The following DPF3 variants were observed in gnomAD, a reference collection of about 807,000 sequenced individuals.
DPF3 encodes the protein zinc finger protein DPF3.
In DPF3, 18 loss-of-function variants were observed where a neutral mutation model predicts 56.8. The ratio of observed to expected loss-of-function variants is 0.32; its 90% CI spans 0.22 to 0.47. The LOEUF is 0.47. DPF3 is among the 20% of genes least tolerant of loss of function. The pLI is 1.00. For missense variants in DPF3, 403 were observed against 488.8 expected (o/e 0.82, Z 1.65); for synonymous variants, 188 against 180.2 (o/e 1.04, Z -0.35).
chr14:72,712,269 C>T (rs1888687125), intron 6 of DPF3, among the ~76,000 whole-genome samples: 1 of 152,136 alleles, frequency 6.6e-6, no homozygotes, highest in Admixed American at 6.5e-5. Flanking sequence ...GAAACAAAGC[C>T]ATGGGGACTC....
chr14:72,727,846 C>T (rs970082189), intron 4 of DPF3, among the ~76,000 whole-genome samples: 8 of 152,164 alleles, frequency 5.3e-5, no homozygotes, highest in African/African-American at 1.7e-4. Context: ...ATAATCCATT[C>T]GCTACATGTG....
At chr14:72,660,324 C>T (rs192067198) in intron 8 of DPF3, among the ~76,000 whole-genome samples, 7 of 152,196 alleles carry the variant, frequency 4.6e-5, no homozygotes, top group African/African-American at 2.4e-5. Flanking sequence ...CAAGGCATAA[C>T]GTGATATTCA....
intron 1 of DPF3, among the ~76,000 whole-genome samples, chr14:72,808,701 G>A (rs1234933822): frequency 6.6e-6 from 1 of 152,216 alleles, no homozygotes; most frequent in African/African-American, 2.4e-5. Flanking sequence ...AAACCAGCTT[G>A]TTGCTTCCCT....
At chr14:72,886,546 A>G (rs1454339506) in intron 1 of DPF3, among the ~76,000 whole-genome samples, 1 of 152,186 alleles carries the variant, frequency 6.6e-6, no homozygotes. Flanking sequence ...ACACTTTAAA[A>G]TGGCTAAAAT....
At chr14:72,880,195 GC>G (rs1278578637) in intron 1 of DPF3, among the ~76,000 whole-genome samples, 2 of 152,306 alleles carry the variant, frequency 1.3e-5, no homozygotes, top group Non-Finnish European at 2.9e-5. Context: ...TGTGTGCCAG[GC>G]TCTGGGCTAG....
chr14:72,874,333 G>A (rs889254623), intron 1 of DPF3, among the ~76,000 whole-genome samples: 4 of 151,766 alleles, frequency 2.6e-5, no homozygotes, highest in African/African-American at 9.7e-5. Context: ...AAAAAAATTA[G>A]CCAGGCATGG....
rs145892248 is a variant in DPF3, at chr14:72,696,037, A to G, written c.605-2824T>C. On this transcript the variant is annotated intron_variant, in intron 6 of 10. Coordinates refer to ENST00000556509, the MANE Select transcript of DPF3 (RefSeq NM_001280542.3). ...TCTGGATCTGCTTGTGGCTTTTTCT[A>G]TTTAGCTTTTTAGATAATCTGAAGT... is the stretch of plus-strand genomic sequence containing the variant. Among the ~76,000 whole-genome samples the G allele has an allele frequency of 8.8e-4, 134 of 152,286 alleles. 1 individual carries two copies. The highest frequency in any genetic ancestry group is 2.6e-3 in the African/African-American group (108 of 41,566).
intron 1 of DPF3, among the ~76,000 whole-genome samples, chr14:72,835,291 C>T (rs576452850): frequency 6.6e-6 from 1 of 152,238 alleles, no homozygotes; most frequent in South Asian, 2.1e-4. Flanking sequence ...TGGTCTCAAA[C>T]CCCTGACCTC....
intron 3 of DPF3, among the ~76,000 whole-genome samples, chr14:72,739,165 C>T (rs1949913074): frequency 1.3e-5 from 2 of 151,798 alleles, no homozygotes; most frequent in Non-Finnish European, 2.9e-5. Flanking sequence ...TCGCTTGAAC[C>T]TGGAAGGGGG....
At position 72,716,923 on chromosome 14, in the gene DPF3, C is replaced by A. The variant is rs541278996; in HGVS notation, c.526-2422G>T. Among the ~76,000 whole-genome samples, 3 of 152,204 alleles carry A rather than the reference C, an allele frequency of 2.0e-5. No individual in the cohort carries two copies. In the East Asian group the frequency reaches 5.8e-4, roughly 29 times the overall value. On this transcript the variant is annotated intron_variant, in intron 5 of 10. Transcript: ENST00000556509. The stretch of plus-strand genomic sequence containing the variant: ...TAAGGGGGATCTACCTCCACATTGC[C>A]CCCCTAGTCCACCCTAACGGGGGAT...
At chr14:72,662,859 T>C (rs1346246489) in intron 8 of DPF3, 11 of 972,506 alleles carry the variant, frequency 1.1e-5, no homozygotes, top group Non-Finnish European at 1.2e-5. Flanking sequence ...CAATGAAAGA[T>C]AAAACAAAAA....
intron 2 of DPF3, among the ~76,000 whole-genome samples, chr14:72,756,656 T>C (rs763449356): frequency 1.4e-4 from 21 of 151,728 alleles, no homozygotes; most frequent in Non-Finnish European, 2.9e-4. Flanking sequence ...CTATCAAAAA[T>C]ACAAAAATTA....
chr14:72,888,832 A>G (rs1886646095), intron 1 of DPF3, among the ~76,000 whole-genome samples: 1 of 152,210 alleles, frequency 6.6e-6, no homozygotes, highest in South Asian at 2.1e-4. Flanking sequence ...AAAAACCACA[A>G]AAGTTACTTT....
intron 6 of DPF3, among the ~76,000 whole-genome samples, chr14:72,708,131 AAGGCAGGTGT>A (rs1888491242): frequency 6.6e-6 from 1 of 152,116 alleles, no homozygotes; most frequent in African/African-American, 2.4e-5. Context: ...CAGCCCAGAG[AAGGCAGGTGT>A]AGGTTAGAAG....
chr14:72,875,981 C>T (rs1345972048), intron 1 of DPF3, among the ~76,000 whole-genome samples: 3 of 152,232 alleles, frequency 2.0e-5, no homozygotes, highest in African/African-American at 7.2e-5. Context: ...TTGGCATTTA[C>T]ATTTTCCTCC....
At chr14:72,853,043 GTGTGTA>G in intron 1 of DPF3, among the ~76,000 whole-genome samples, 1 of 151,498 alleles carries the variant, frequency 6.6e-6, no homozygotes. Context: ...GCGTGTGTGT[GTGTGTA>G]TGTGTGTGTG....
At chr14:72,667,736 C>T (rs1217799758) in intron 8 of DPF3, among the ~76,000 whole-genome samples, 1 of 152,206 alleles carries the variant, frequency 6.6e-6, no homozygotes, top group African/African-American at 2.4e-5. Context: ...TAATTGCTTA[C>T]TCTTCCGTTG....
At chr14:72,647,950 T>C (rs371578079) in intron 8 of DPF3, among the ~76,000 whole-genome samples, 32 of 152,216 alleles carry the variant, frequency 2.1e-4, no homozygotes, top group African/African-American at 6.3e-4. Flanking sequence ...TCTCACGTCG[T>C]CACTGCTCAT....
rs773442696 is a variant in DPF3, at chr14:72,693,107, G to A, written c.711C>T (p.Ser237=). ...GGTTCTCATTTCTGTGGTTGGGTGG[G>A]GACCGAGTCTCCTGGTCTTGAGCTT... ...GDEAQDQETR[S]PPNHRNENHR... Residue 237 remains serine (S), a synonymous_variant, in exon 7 of 11, where the codon TCC becomes TCT. Coordinates refer to ENST00000556509, the MANE Select transcript of DPF3 (RefSeq NM_001280542.3). 6.2e-7 allele frequency: 1 copy of A among 1,614,014 alleles called. No individual in the cohort carries two copies. Among genetic ancestry groups the A allele is most frequent in the South Asian group, 1.1e-5 (1 of 91,080 alleles).
Sources: allele counts gnomAD v4.1 joint callset (sites outside exome capture counted in the v4.1 genomes callset), GRCh38; gene constraint gnomAD v4.1.1; transcripts MANE v1.5; gene names NCBI Gene and HGNC (gene_info 2026-07-23, HGNC 2026-07-21).